Variants in UNC79 observed in about 807,000 individuals in gnomAD.
UNC79 encodes the protein unc-79 subunit of NALCN channel complex.
Under a neutral mutation model 283.1 loss-of-function variants are expected in UNC79, and 37 were observed. The ratio of observed to expected loss-of-function variants is 0.13; its 90% CI spans 0.10 to 0.17. The LOEUF (loss-of-function observed/expected upper bound fraction) is 0.17, where lower values mean the gene tolerates loss of function less well. Ranked by LOEUF, UNC79 falls within the 10% of genes least tolerant of loss-of-function variation. The pLI is 1.00. For synonymous variants in UNC79, 1,107 were observed against 1,200.2 expected (o/e 0.92, Z 1.61); for missense variants, 2,272 against 3,211.1 (o/e 0.71, Z 7.07).
In UNC79 at chr14:93,617,496, AT is replaced by A. The variant is rs566051835; in HGVS notation, c.4224+193del. Reference sequence around the variant, plus strand: ...AAAATAGAAATGGGAGGCCCTGTTAATATATGCTCTAAAAATGTTTAAAACA... The same window carrying A: ...AAAATAGAAATGGGAGGCCCTGTTAAATATGCTCTAAAAATGTTTAAAACA... On this transcript the variant is annotated intron_variant, in intron 28 of 48. Transcript: ENST00000555664. The surrounding 1 kb of genome is among the most constrained non-coding windows in gnomAD (Gnocchi z 4.5). Among the ~76,000 whole-genome samples, 936 of 152,316 alleles carry A rather than the reference AT, an allele frequency of 6.1e-3. 7 individuals are homozygous for A. Among genetic ancestry groups the A allele is most frequent in the Middle Eastern group, 0.041 (12 of 294 alleles).
At chr14:93,372,049 A>G (rs961151126) in intron 1 of UNC79, among the ~76,000 whole-genome samples, 2 of 152,252 alleles carry the variant, frequency 1.3e-5, no homozygotes, top group Non-Finnish European at 2.9e-5. Context: ...GCCTTGCAAG[A>G]GAAGTTAAAA....
chr14:93,384,974 C>A (rs1242389159), intron 1 of UNC79, among the ~76,000 whole-genome samples: 14 of 152,118 alleles, frequency 9.2e-5, no homozygotes, highest in South Asian at 2.1e-4. Flanking sequence ...GCACCTTTGT[C>A]AAAAATGAGT....
At chr14:93,579,765 C>T (rs188008643) in intron 18 of UNC79, among the ~76,000 whole-genome samples, 1 of 152,164 alleles carries the variant, frequency 6.6e-6, no homozygotes, top group Non-Finnish European at 1.5e-5. Context: ...CTCCAAGGAG[C>T]CCTGGTTCCT....
rs191542353 is a variant in UNC79 at position 93,393,233 on chromosome 14, T to C, written c.-351+59710T>C. Among the ~76,000 whole-genome samples the C allele has an allele frequency of 5.3e-5, 8 of 152,336 alleles. No homozygotes were observed. In the Middle Eastern group the frequency reaches 0.01, roughly 194 times the overall value. On this transcript the variant is annotated intron_variant, in intron 1 of 49. Transcript: ENST00000256339. ...CTAATTGCTGCTCAAAGATCCTGCATGTCAACACTGTTTCATTAGCAGTTA... is the reference window on the plus strand; with the variant it reads ...CTAATTGCTGCTCAAAGATCCTGCACGTCAACACTGTTTCATTAGCAGTTA...
chr14:93,598,409 T>A (rs10136905), intron 24 of UNC79, among the ~76,000 whole-genome samples: 1 of 38,904 alleles, frequency 2.6e-5, no homozygotes, highest in Non-Finnish European at 1.0e-4. Flanking sequence ...TGTGTGTGTG[T>A]GGCAGATTTT....
At chr14:93,557,518 G>A (rs958668096) in intron 14 of UNC79, among the ~76,000 whole-genome samples, 1 of 152,108 alleles carries the variant, frequency 6.6e-6, no homozygotes, top group Admixed American at 6.6e-5. Flanking sequence ...TCAACAAAGA[G>A]ATTGCAAGCA....
At chr14:93,650,375 A>G (rs1324974781) in intron 35 of UNC79, among the ~76,000 whole-genome samples, 1 of 152,186 alleles carries the variant, frequency 6.6e-6, no homozygotes, top group African/African-American at 2.4e-5. Context: ...TAATTTTATC[A>G]GAAACTACTG....
chr14:93,361,280 G>A (rs915746911), intron 1 of UNC79, among the ~76,000 whole-genome samples: 1 of 149,520 alleles, frequency 6.7e-6, no homozygotes, highest in Non-Finnish European at 1.5e-5. Flanking sequence ...CGCCTAGCAG[G>A]CCTGTTTGGA....
chr14:93,697,745 C>A (rs1046091808), intron 47 of UNC79, among the ~76,000 whole-genome samples: 3 of 152,088 alleles, frequency 2.0e-5, no homozygotes, highest in Admixed American at 1.3e-4. Context: ...GAGACCCAGT[C>A]TCTACCCTGC....
At chr14:93,654,016 G>A in exon 37 of UNC79, 1 of 1,614,092 alleles carries the variant, frequency 6.2e-7, no homozygotes, top group South Asian at 1.1e-5. Flanking sequence ...CTCTCAGTCA[G>A]CTCCTAGAGG....
At chr14:93,686,902 C>T (rs1386686456) in intron 43 of UNC79, among the ~76,000 whole-genome samples, 2 of 152,198 alleles carry the variant, frequency 1.3e-5, no homozygotes, top group African/African-American at 2.4e-5. Flanking sequence ...CATATATTCA[C>T]TTCTCACAAT....
At chr14:93,413,223 G>A (rs919307819) in intron 1 of UNC79, among the ~76,000 whole-genome samples, 3 of 134,410 alleles carry the variant, frequency 2.2e-5, no homozygotes, top group Admixed American at 9.0e-5. Context: ...TCCCCTTCCT[G>A]TGTCCATGTG....
intron 17 of UNC79, 112 bp downstream of exon 17, chr14:93,575,310 C>A: frequency 2.2e-6 from 3 of 1,337,224 alleles, no homozygotes; most frequent in Non-Finnish European, 2.1e-6. Context: ...TGTTTTCAGC[C>A]CATCTCGCTG....
At position 93,688,678 on chromosome 14, in the gene UNC79, C is replaced by T. The variant is rs2074443484; in HGVS notation, c.6923C>T (p.Thr2308Ile). The T allele has an allele frequency of 3.7e-6, 6 of 1,613,586 alleles. No homozygotes were observed. The highest frequency in any genetic ancestry group is 4.2e-6 in the Non-Finnish European group (5 of 1,179,754). Residue 2308 changes from threonine (T) to isoleucine (I), a missense_variant, in exon 44 of 49, where the codon ACA (threonine) becomes ATA (isoleucine). Coordinates refer to ENST00000555664, the Ensembl canonical transcript of UNC79. The surrounding 1 kb of genome is among the most constrained non-coding windows in gnomAD (Gnocchi z 4.0). The stretch of plus-strand genomic sequence containing the variant: ...TCGGTTTTGTAGAGCCACATGAAGA[C>T]ATGTTCCCAGCCTCTGCATGAAGAT...
At chr14:93,340,218 G>A (rs962216661) in intron 1 of UNC79, among the ~76,000 whole-genome samples, 2 of 152,102 alleles carry the variant, frequency 1.3e-5, no homozygotes, top group East Asian at 1.9e-4. Context: ...CAAGGTGGGC[G>A]GATCGCGAGG....
At position 93,385,133 on chromosome 14, in the gene UNC79, G is replaced by A. The variant is rs114762949; in HGVS notation, c.-351+51610G>A. Among the ~76,000 whole-genome samples, 902 of 152,176 alleles carry A rather than the reference G, an allele frequency of 5.9e-3. 10 individuals are homozygous for A. The highest frequency in any genetic ancestry group is 0.021 in the African/African-American group (860 of 41,530). On this transcript the variant is annotated intron_variant, in intron 1 of 49. Transcript: ENST00000256339. ...ATGTGATTCCTTCAGTTTTGTTTTT[G>A]CTTAGGATAGCTTTGGCTATTCTTT...
At chr14:93,627,891 T>A (rs1441090030) in intron 30 of UNC79, among the ~76,000 whole-genome samples, 1 of 152,178 alleles carries the variant, frequency 6.6e-6, no homozygotes, top group Admixed American at 6.5e-5. Context: ...TCAAAACACA[T>A]CCAGAATGTG....
rs567185597 is a variant in UNC79 at position 93,468,877 on chromosome 14, A to G, written c.143+1086A>G. Among the ~76,000 whole-genome samples, 22 of 152,324 alleles carry G rather than the reference A, an allele frequency of 1.4e-4. No homozygotes were observed. In the East Asian group the frequency reaches 3.9e-3, roughly 27 times the overall value. ...CGGTAAGGTTAGGACCTCTTACAGG[A>G]TATTTTCCTTCTTCTCAAATTGTAG... On this transcript the variant is annotated intron_variant, in intron 2 of 48. Coordinates refer to ENST00000555664, the Ensembl canonical transcript of UNC79.
chr14:93,350,505 T>G (rs373643573), intron 1 of UNC79, among the ~76,000 whole-genome samples: 1 of 152,142 alleles, frequency 6.6e-6, no homozygotes, highest in East Asian at 1.9e-4. Context: ...TAAGTGGTTA[T>G]AAGGTATAAG....
Sources: gnomAD v4.1 joint callset for allele counts (sites outside exome capture counted in the v4.1 genomes callset) on GRCh38, gnomAD v4.1.1 for gene constraint, Gnocchi (gnomAD v3.1) non-coding constraint, MANE v1.5 for transcripts, NCBI Gene and HGNC (gene_info 2026-07-23, HGNC 2026-07-21) for gene names.